Variants in ITGB3BP observed in about 807,000 individuals in gnomAD.
ITGB3BP encodes centromere protein R.
Under a neutral mutation model 29.1 loss-of-function variants are expected in ITGB3BP, and 27 were observed. That is an observed-to-expected ratio of 0.93 (90% confidence interval 0.68 to 1.28). The LOEUF (loss-of-function observed/expected upper bound fraction) is 1.28. ITGB3BP is among the 50% of genes most tolerant of loss of function. The pLI is 0.00. For synonymous variants in ITGB3BP, 61 were observed against 61.4 expected, an observed-to-expected ratio of 0.99 and a Z score of 0.03; for missense variants, 192 against 200.2, an observed-to-expected ratio of 0.96 and a Z score of 0.25.
chr1:63,480,898 A>T (rs1166264699), intron 3 of ITGB3BP, among the ~76,000 whole-genome samples: 2 of 152,090 alleles, frequency 1.3e-5, no homozygotes, highest in Non-Finnish European at 2.9e-5. Context: ...ATAAATTAAA[A>T]TCTGTCTCTA....
At chr1:63,444,640 T>TATCTCCTATAC (rs1553158247) in intron 8 of ITGB3BP, among the ~76,000 whole-genome samples, 2 of 115,374 alleles carry the variant, frequency 1.7e-5, no homozygotes, top group Admixed American at 1.8e-4. Context: ...GAGATATATA[T>TATCTCCTATAC]ATATCTCCTA....
chr1:63,464,976 C>T (rs920199905), intron 4 of ITGB3BP, among the ~76,000 whole-genome samples: 2 of 152,080 alleles, frequency 1.3e-5, no homozygotes, highest in South Asian at 2.1e-4. Flanking sequence ...TTTATGTAAT[C>T]TTGGATTGAA....
chr1:63,523,082 T>C, intron 1 of ITGB3BP, 47 bp downstream of exon 1: 2 of 1,612,080 alleles, frequency 1.2e-6, no homozygotes, highest in South Asian at 2.2e-5. Flanking sequence ...TCTTCTCTTC[T>C]TGCAGAGGGC....
intron 4 of ITGB3BP, among the ~76,000 whole-genome samples, chr1:63,471,132 C>T (rs893247414): frequency 2.0e-5 from 3 of 152,146 alleles, no homozygotes; most frequent in Non-Finnish European, 2.9e-5. Context: ...AATCTTTTCA[C>T]GCTGGGCTGT....
chr1:63,516,066 C>T (rs950705463), intron 1 of ITGB3BP, among the ~76,000 whole-genome samples: 10 of 151,004 alleles, frequency 6.6e-5, no homozygotes, highest in African/African-American at 1.7e-4. Flanking sequence ...AGAATGATAC[C>T]GTGTTGTTCT....
At chr1:63,487,297 G>T in intron 3 of ITGB3BP, among the ~76,000 whole-genome samples, 1 of 151,972 alleles carries the variant, frequency 6.6e-6, no homozygotes, top group Non-Finnish European at 1.5e-5. Flanking sequence ...GACCTGTGCA[G>T]TTCAAACCCA....
intron 1 of ITGB3BP, among the ~76,000 whole-genome samples, chr1:63,509,367 G>C (rs1275851600): frequency 6.6e-6 from 1 of 152,146 alleles, no homozygotes; most frequent in African/African-American, 2.4e-5. Flanking sequence ...ATTAAAACTA[G>C]TTTTTTCAGT....
At chr1:63,518,236 A>T (rs553358639) in intron 1 of ITGB3BP, among the ~76,000 whole-genome samples, 2 of 152,356 alleles carry the variant, frequency 1.3e-5, no homozygotes, top group East Asian at 3.9e-4. Flanking sequence ...TGTTCTCTGT[A>T]CAATTAACCA....
chr1:63,499,234 T>G (rs2100725230), intron 2 of ITGB3BP, among the ~76,000 whole-genome samples: 1 of 146,692 alleles, frequency 6.8e-6, no homozygotes, highest in South Asian at 2.3e-4. Context: ...CGATCTCGGC[T>G]CACCGCAACC....
chr1:63,471,245 G>A (rs1490536025), intron 4 of ITGB3BP, among the ~76,000 whole-genome samples: 1 of 150,490 alleles, frequency 6.6e-6, no homozygotes, highest in Non-Finnish European at 1.5e-5. Flanking sequence ...CCTAATCCAA[G>A]GTCCAGTCCT....
At chr1:63,447,557 A>C (rs1197348484) in intron 7 of ITGB3BP, 1 of 485,742 alleles carries the variant, frequency 2.1e-6, no homozygotes, top group Non-Finnish European at 4.1e-6. Context: ...GAAGCAATTT[A>C]GCTTTACCTA....
chr1:63,521,651 G>A lies in ITGB3BP; in HGVS notation c.5+1478C>T, dbSNP rs143108116. ...CTTCAAGACCAGGCTGGGCAACACA[G>A]GGAGACACTGTCTTTACAAAATAAA... On this transcript the variant is annotated intron_variant, in intron 1 of 8. Coordinates refer to ENST00000271002, the MANE Select transcript of ITGB3BP (RefSeq NM_014288.5). 7.8e-3 allele frequency among the ~76,000 whole-genome samples: 1,191 copies of A among 152,192 alleles called. 13 individuals carry two copies. The highest frequency in any genetic ancestry group is 0.026 in the African/African-American group (1,077 of 41,520).
At chr1:63,472,468 T>TCTCCCCC (rs1645218577) in intron 4 of ITGB3BP, among the ~76,000 whole-genome samples, 1 of 109,328 alleles carries the variant, frequency 9.1e-6, no homozygotes, top group Non-Finnish European at 1.8e-5. Flanking sequence ...CCCTCTCCCC[T>TCTCCCCC]CTCCCCTCTC....
chr1:63,513,825 G>A (rs1406124060), intron 1 of ITGB3BP, among the ~76,000 whole-genome samples: 2 of 152,114 alleles, frequency 1.3e-5, no homozygotes, highest in East Asian at 3.8e-4. Context: ...AGTTTCAGAA[G>A]TGCTAACACA....
intron 7 of ITGB3BP, among the ~76,000 whole-genome samples, chr1:63,450,355 C>T (rs1173241577): frequency 1.3e-5 from 2 of 151,926 alleles, no homozygotes; most frequent in Non-Finnish European, 2.9e-5. Flanking sequence ...AACTGCTCTA[C>T]AATTTGCTTA....
At chr1:63,495,403 C>CTTTAGTGTAATT (rs1645762414) in intron 2 of ITGB3BP, among the ~76,000 whole-genome samples, 1 of 152,126 alleles carries the variant, frequency 6.6e-6, no homozygotes, top group African/African-American at 2.4e-5. Context: ...AACAATTACA[C>CTTTAGTGTAATT]TAAAGGAAAG....
intron 4 of ITGB3BP, among the ~76,000 whole-genome samples, chr1:63,472,614 G>T (rs1263933567): frequency 1.3e-5 from 2 of 150,602 alleles, no homozygotes; most frequent in African/African-American, 2.4e-5. Flanking sequence ...GCGATTGCAG[G>T]CGCGCGCCGC....
chr1:63,448,920 G>A (rs1644825335), intron 7 of ITGB3BP, among the ~76,000 whole-genome samples: 1 of 152,096 alleles, frequency 6.6e-6, no homozygotes, highest in South Asian at 2.1e-4. Flanking sequence ...ATGTCTCTGG[G>A]GAAAATGTCT....
chr1:63,462,868 A>G (rs1645039647), intron 4 of ITGB3BP, among the ~76,000 whole-genome samples: 1 of 152,238 alleles, frequency 6.6e-6, no homozygotes, highest in East Asian at 1.9e-4. Context: ...ACTATTAAAA[A>G]GATTTTATTT....
Sources: allele counts gnomAD v4.1 joint callset (sites outside exome capture counted in the v4.1 genomes callset), GRCh38; gene constraint gnomAD v4.1.1; transcripts MANE v1.5; gene names NCBI Gene and HGNC (gene_info 2026-07-23, HGNC 2026-07-21).